TRMT11: variants seen among roughly 807,000 people sequenced by gnomAD.
The protein encoded by TRMT11 is tRNA (guanine(10)-N(2))-methyltransferase TRMT11.
Under a neutral mutation model 62.8 loss-of-function variants are expected in TRMT11, and 53 were observed. The observed-to-expected ratio is 0.84, with a 90% CI of 0.68 to 1.06. TRMT11 has a LOEUF of 1.06. Among genes scored for constraint, TRMT11 ranks in the 50% least tolerant of loss-of-function variants. The pLI, the probability that TRMT11 is intolerant of heterozygous loss-of-function variation, is 0.00. For missense variants in TRMT11, 556 were observed against 553.4 expected (o/e 1.00, Z -0.05); for synonymous variants, 188 against 190.3 (o/e 0.99, Z 0.10).
chr6:126,208,637 A>G (rs909365072), downstream of TRMT11, among the ~76,000 whole-genome samples: 11 of 152,364 alleles, frequency 7.2e-5, no homozygotes, highest in Admixed American at 6.5e-4. Flanking sequence ...CTTGAAGATT[A>G]TGTAGTTTAT....
chr6:126,094,706 T>C (rs747977314), intron 17 of TRMT11, among the ~76,000 whole-genome samples: 3 of 152,220 alleles, frequency 2.0e-5, no homozygotes, highest in Non-Finnish European at 2.9e-5. Context: ...TTTTTGTAGC[T>C]CTTAATTACT....
At chr6:126,218,264 C>T in the TRMT11 span, among the ~76,000 whole-genome samples, 6 of 152,086 alleles carry the variant, frequency 3.9e-5, no homozygotes, top group Non-Finnish European at 8.8e-5. Flanking sequence ...CTTACTCTTC[C>T]CTTTCCTGTT....
chr6:126,058,958 G>A (rs1022037380), intron 17 of TRMT11, among the ~76,000 whole-genome samples: 1 of 152,016 alleles, frequency 6.6e-6, no homozygotes. Context: ...GCCTGCCTTG[G>A]GTTTTGAGAT....
the TRMT11 span, among the ~76,000 whole-genome samples, chr6:126,260,722 T>C: frequency 6.6e-6 from 1 of 152,220 alleles, no homozygotes; most frequent in Non-Finnish European, 1.5e-5. Flanking sequence ...AAAGAATTTA[T>C]TTGTTAAACT....
chr6:126,068,357 C>T (rs957441460), intron 17 of TRMT11, among the ~76,000 whole-genome samples: 5 of 152,078 alleles, frequency 3.3e-5, no homozygotes, highest in African/African-American at 1.2e-4. Context: ...ATTCTCTTGA[C>T]TCAGGTCGTG....
At chr6:126,011,103 T>G (rs1794108526) in intron 8 of TRMT11, 150 bp from the exon 9 acceptor site, 1 of 578,594 alleles carries the variant, frequency 1.7e-6, no homozygotes, top group African/African-American at 1.9e-5. Flanking sequence ...AAATAACTAT[T>G]TACTTGTATA....
chr6:126,207,694 A>G (rs554910541), downstream of TRMT11, among the ~76,000 whole-genome samples: 1 of 152,342 alleles, frequency 6.6e-6, no homozygotes, highest in South Asian at 2.1e-4. Flanking sequence ...TATAAAGTCA[A>G]TTGCAAACAA....
chr6:126,223,338 A>G, the TRMT11 span, among the ~76,000 whole-genome samples: 3 of 152,156 alleles, frequency 2.0e-5, no homozygotes, highest in African/African-American at 7.2e-5. Flanking sequence ...GGAGAGTGAC[A>G]TGAACCCGGG....
At chr6:126,126,153 G>C (rs1777716198) in intron 21 of TRMT11, among the ~76,000 whole-genome samples, 1 of 152,022 alleles carries the variant, frequency 6.6e-6, no homozygotes, top group Non-Finnish European at 1.5e-5. Flanking sequence ...ACCTGCTTTA[G>C]ATATTAGGAA....
the TRMT11 span, among the ~76,000 whole-genome samples, chr6:126,271,811 A>G: frequency 6.6e-6 from 1 of 152,170 alleles, no homozygotes; most frequent in Non-Finnish European, 1.5e-5. Flanking sequence ...GAAGGTCGAT[A>G]TCAGAGTGTT....
chr6:126,110,127 T>C (rs941587650), intron 17 of TRMT11, among the ~76,000 whole-genome samples: 3 of 152,152 alleles, frequency 2.0e-5, no homozygotes, highest in African/African-American at 7.2e-5. Flanking sequence ...CTGAGACTCT[T>C]AATCAGCAAC....
At chr6:126,169,215 G>A (rs572562693) in intron 21 of TRMT11, among the ~76,000 whole-genome samples, 1 of 152,292 alleles carries the variant, frequency 6.6e-6, no homozygotes, top group Admixed American at 6.5e-5. Context: ...ACCCATTTGT[G>A]TGAGCTGCCC....
the TRMT11 span, among the ~76,000 whole-genome samples, chr6:126,267,448 C>T: frequency 6.6e-6 from 1 of 152,042 alleles, no homozygotes; most frequent in Non-Finnish European, 1.5e-5. Context: ...CTCTCATAGT[C>T]TTTGTACACT....
chr6:126,021,018 T>C, intron 11 of TRMT11, 142 bp from the exon 12 acceptor site: 1 of 926,252 alleles, frequency 1.1e-6, no homozygotes, highest in Non-Finnish European at 1.6e-6. Context: ...ATAGATAGTT[T>C]ATGGATCATG....
the TRMT11 span, among the ~76,000 whole-genome samples, chr6:126,264,281 T>A: frequency 2.7e-4 from 41 of 152,362 alleles, no homozygotes; most frequent in African/African-American, 9.6e-4. Flanking sequence ...CTTTCTTTTT[T>A]TCAGTTTTAT....
chr6:126,045,461 C>G (rs1053862081), intron 16 of TRMT11, among the ~76,000 whole-genome samples: 2 of 152,106 alleles, frequency 1.3e-5, no homozygotes, highest in African/African-American at 4.8e-5. Flanking sequence ...TGTTAGCAAG[C>G]ATGTTGACCA....
chr6:126,144,424 G>A (rs1426816976), intron 21 of TRMT11, among the ~76,000 whole-genome samples: 1 of 152,158 alleles, frequency 6.6e-6, no homozygotes, highest in Non-Finnish European at 1.5e-5. Context: ...TCTTGTCCTG[G>A]TTGCTGCCCA....
chr6:126,031,657 G>A (rs185796569), intron 12 of TRMT11, among the ~76,000 whole-genome samples: 2 of 152,286 alleles, frequency 1.3e-5, no homozygotes, highest in African/African-American at 4.8e-5. Flanking sequence ...TGGAAATACT[G>A]AGCAGTGGGG....
the TRMT11 span, among the ~76,000 whole-genome samples, chr6:126,243,026 A>G: frequency 1.3e-5 from 2 of 152,322 alleles, no homozygotes; most frequent in East Asian, 1.9e-4. Context: ...AATTTTTGCT[A>G]TCTACTCATC....
Sources: allele counts gnomAD v4.1 joint callset (sites outside exome capture counted in the v4.1 genomes callset), GRCh38; gene constraint gnomAD v4.1.1; transcripts MANE v1.5; gene names NCBI Gene and HGNC (gene_info 2026-07-23, HGNC 2026-07-21).